The following KLHL31 variants were observed in gnomAD, a reference collection of about 807,000 sequenced individuals.
KLHL31 encodes kelch like family member 31.
KLHL31 carries 32 observed loss-of-function variants against 47.1 expected under a neutral mutation model. The observed-to-expected ratio is 0.68, with a 90% CI of 0.51 to 0.91. The LOEUF is 0.91. Among genes scored for constraint, KLHL31 ranks in the 40% least tolerant of loss-of-function variants. KLHL31 has a pLI of 0.00. For missense variants in KLHL31, 797 were observed against 819.3 expected, an observed-to-expected ratio of 0.97 and a Z score of 0.33; for synonymous variants, 330 against 325.1, an observed-to-expected ratio of 1.01 and a Z score of -0.16.
chr6:53,655,302 C>T lies in KLHL31; in HGVS notation c.-30G>A. On this transcript the variant is annotated 5_prime_UTR_variant, in exon 2 of 3. Coordinates refer to ENST00000370905, the MANE Select transcript of KLHL31 (RefSeq NM_001003760.5). ...GCAAATACACTGTTACAGGCAAGAG[C>T]TTGCTAAAAAGAGAAAAAAAAAAAC... 4.2e-6 allele frequency: 6 copies of T among 1,418,152 alleles called. No homozygotes were observed. Among genetic ancestry groups the T allele is most frequent in the Non-Finnish European group, 4.7e-6 (5 of 1,063,046 alleles). The allele number at this position is 1,418,152 out of a possible 1,614,324, so 87.8% of individuals were successfully genotyped here.
In KLHL31 at chr6:53,654,717, T is replaced by C; in HGVS notation, c.556A>G (p.Asn186Asp). The C allele has an allele frequency of 6.2e-7, 1 of 1,614,178 alleles. No individual in the cohort carries two copies. The change falls in exon 2 of 3, where the codon AAT (asparagine) becomes GAT (aspartate). Residue 186 changes from asparagine (N) to aspartate (D), a missense_variant. Coordinates refer to ENST00000370905, the MANE Select transcript of KLHL31 (RefSeq NM_001003760.5). ...AATTTCTGGGCTGCTGCTTTTGCAT[T>C]TTTTAGGGAGTATGTTTCAGCAATA... ...VNIAETYSLK[N>D]AKAAAQKFIR...
intron 1 of KLHL31, among the ~76,000 whole-genome samples, chr6:53,656,560 G>A (rs1490442435): frequency 6.6e-6 from 1 of 152,072 alleles, no homozygotes; most frequent in South Asian, 2.1e-4. Context: ...TTTATATAGT[G>A]TATGTGTGTG....
intron 1 of KLHL31, among the ~76,000 whole-genome samples, chr6:53,662,060 C>G (rs573817322): frequency 6.6e-6 from 1 of 152,104 alleles, no homozygotes; most frequent in African/African-American, 2.4e-5. Context: ...GCTTGGTAGC[C>G]AGGGTCCAAG....
intron 1 of KLHL31, among the ~76,000 whole-genome samples, chr6:53,663,634 G>T (rs184812158): frequency 2.6e-5 from 4 of 152,288 alleles, no homozygotes; most frequent in African/African-American, 9.6e-5. Flanking sequence ...AAAGTATACA[G>T]ACTCTATGCA....
rs373949241 is a variant in KLHL31 at position 53,654,086 on chromosome 6, T to C, written c.1172+15A>G. ...AATATTGAGCCATTTCAGTTCCTAA[T>C]AAAAGATCAAGTACCTGCAGAAATT... is the stretch of plus-strand genomic sequence containing the variant. On this transcript the variant is annotated intron_variant, in intron 2 of 2. Coordinates refer to ENST00000370905, the MANE Select transcript of KLHL31 (RefSeq NM_001003760.5). 2.0e-4 allele frequency: 316 copies of C among 1,573,756 alleles called. 10 individuals are homozygous for C. In the South Asian group the frequency reaches 3.4e-3, roughly 17 times the overall value.
At position 53,648,955 on chromosome 6, in the gene KLHL31, C is replaced by A. The variant is rs376267828; in HGVS notation, c.*2643G>T. 1.3e-5 allele frequency: 2 copies of A among 152,126 alleles called. No individual in the cohort carries two copies. Among genetic ancestry groups the A allele is most frequent in the African/African-American group, 4.8e-5 (2 of 41,510 alleles). The allele number at this position is 152,126 out of a possible 1,614,324, so 9.4% of individuals were successfully genotyped here. Reference sequence around the variant, plus strand: ...GCTTTTATTTGATCACAGGACTCAGCCGTTACAAAAATAACAAGTCATTTT... The same window carrying A: ...GCTTTTATTTGATCACAGGACTCAGACGTTACAAAAATAACAAGTCATTTT... On this transcript the variant is annotated 3_prime_UTR_variant, in exon 3 of 3. Coordinates refer to ENST00000370905, the MANE Select transcript of KLHL31 (RefSeq NM_001003760.5).
intron 1 of KLHL31, among the ~76,000 whole-genome samples, chr6:53,656,931 CT>C (rs10665063): frequency 3.8e-4 from 37 of 98,436 alleles, no homozygotes; most frequent in African/African-American, 9.2e-4. Flanking sequence ...GTATTTTTAA[CT>C]TTTTTTTTTT....
chr6:53,651,610 T>G lies in KLHL31; in HGVS notation c.1893A>C (p.Pro631=), dbSNP rs753026142. The change falls in exon 3 of 3, where the codon CCA becomes CCC. Residue 631 remains proline, a synonymous_variant. Transcript: ENST00000370905. ...ESRASSVSSV[P]VSI ...CATCTACCTGGGCTCAGATACTGAC[T>G]GGCACAGAAGATACCGAACTGGCCC... 6.2e-7 allele frequency: 1 copy of G among 1,612,454 alleles called. No homozygotes were observed. Among genetic ancestry groups the G allele is most frequent in the Admixed American group, 1.7e-5 (1 of 59,986 alleles).
intron 1 of KLHL31, among the ~76,000 whole-genome samples, chr6:53,663,961 T>C (rs1396823443): frequency 6.6e-6 from 1 of 152,232 alleles, no homozygotes; most frequent in Non-Finnish European, 1.5e-5. Flanking sequence ...TTTGCTTCTA[T>C]AATTTTGCAG....
At chr6:53,662,034 C>T (rs968010792) in intron 1 of KLHL31, among the ~76,000 whole-genome samples, 1 of 152,012 alleles carries the variant, frequency 6.6e-6, no homozygotes, top group Admixed American at 6.6e-5. Context: ...TTGTCAGCTG[C>T]TCAGGGCATC....
Position 53,655,057 on chromosome 6 carries a change from TAGG to T in KLHL31, c.213_215del (p.Phe71del). On this transcript the variant is annotated inframe_deletion, in exon 2 of 3. Transcript: ENST00000370905. ...TTTTGGTACCAATGACTAAGTCACA[TAGG>T]AAGTTCTCCTGCCGCATTTTACTTA... The T allele has an allele frequency of 4.3e-6, 7 of 1,614,056 alleles. No individual in the cohort carries two copies. Among genetic ancestry groups the T allele is most frequent in the Non-Finnish European group, 5.9e-6 (7 of 1,179,980 alleles).
At position 53,661,993 on chromosome 6, in the gene KLHL31, CT is replaced by C. The variant is rs1172557049; in HGVS notation, c.-34+3607del. Among the ~76,000 whole-genome samples the C allele has an allele frequency of 2.0e-5, 3 of 152,124 alleles. No homozygotes were observed. In the East Asian group the frequency reaches 5.8e-4, roughly 29 times the overall value. On this transcript the variant is annotated intron_variant, in intron 1 of 2. Transcript: ENST00000370905. ...TCTTTTTTTTTAAAGCTCTCTCTCT[CT>C]TTTTTCTTTTTAACGGAGTGAAGGT...
intron 1 of KLHL31, among the ~76,000 whole-genome samples, chr6:53,662,671 G>T (rs1006465151): frequency 6.6e-6 from 1 of 152,116 alleles, no homozygotes; most frequent in African/African-American, 2.4e-5. Context: ...TGGGCAGAAG[G>T]GTAACAGAGA....
Position 53,652,159 on chromosome 6 carries a change from C to T in KLHL31, c.1344G>A (p.Pro448=). 1 of 1,606,418 alleles carries T rather than the reference C, an allele frequency of 6.2e-7. No homozygotes were observed. Among genetic ancestry groups the T allele is most frequent in the Non-Finnish European group, 8.5e-7 (1 of 1,179,058 alleles). ...CYVPSTNQWQ[P]KTPLEVARCC... is the part of the protein sequence containing the mutation. ...AGCGCGCCACCTCCAGGGGCGTCTT[C>T]GGCTGCCACTGATTGGTGGAGGGCA... is the stretch of plus-strand genomic sequence containing the variant. The change falls in exon 3 of 3, where the codon CCG becomes CCA. Residue 448 remains proline, a synonymous_variant. Coordinates refer to ENST00000370905, the MANE Select transcript of KLHL31 (RefSeq NM_001003760.5).
intron 1 of KLHL31, among the ~76,000 whole-genome samples, chr6:53,656,135 T>C (rs1007976131): frequency 7.9e-6 from 1 of 126,004 alleles, no homozygotes; most frequent in Non-Finnish European, 1.8e-5. Flanking sequence ...TTGACTCTAA[T>C]TTAGTGAGAC....
Position 53,651,428 on chromosome 6 carries a change from T to G in KLHL31, c.*170A>C. On this transcript the variant is annotated 3_prime_UTR_variant, in exon 3 of 3. Transcript: ENST00000370905. ...AAAAAAAAAAAAAAAAAGAGGTAGATTATGCCATACCAGGAATTTAAAGCC... is the reference window on the plus strand; with the variant it reads ...AAAAAAAAAAAAAAAAAGAGGTAGAGTATGCCATACCAGGAATTTAAAGCC... The G allele has an allele frequency of 1.0e-5, 1 of 98,626 alleles. No homozygotes were observed. Among genetic ancestry groups the G allele is most frequent in the Non-Finnish European group, 2.0e-5 (1 of 50,340 alleles). 6.1% of individuals were successfully genotyped at this position (98,626 alleles called of 1,614,324 possible). A position where few individuals can be genotyped will look rare whatever the true frequency, so the allele number is the denominator to read the frequency against.
rs1764418649 is a variant in KLHL31 at position 53,648,013 on chromosome 6, T to C, written c.*3585A>G. On this transcript the variant is annotated 3_prime_UTR_variant, in exon 3 of 3. Coordinates refer to ENST00000370905, the MANE Select transcript of KLHL31 (RefSeq NM_001003760.5). ...TTGTTCCTTATATAGTACCAGAATG[T>C]TTTAAGCAAAGAAAGAAATTTTTTT... 6.6e-6 allele frequency: 1 copy of C among 152,650 alleles called. No homozygotes were observed. Among genetic ancestry groups the C allele is most frequent in the South Asian group, 2.1e-4 (1 of 4,834 alleles). 9.5% of individuals were successfully genotyped at this position (152,650 alleles called of 1,614,324 possible). A position where few individuals can be genotyped will look rare whatever the true frequency, so the allele number is the denominator to read the frequency against.
intron 2 of KLHL31, among the ~76,000 whole-genome samples, chr6:53,653,041 A>AT (rs1561983450): frequency 7.5e-6 from 1 of 133,584 alleles, no homozygotes; most frequent in Non-Finnish European, 1.7e-5. Context: ...ATAAATATAT[A>AT]TTTTTTTCAG....
At chr6:53,660,464 T>C (rs1213844166) in intron 1 of KLHL31, among the ~76,000 whole-genome samples, 2 of 152,158 alleles carry the variant, frequency 1.3e-5, no homozygotes, top group Non-Finnish European at 2.9e-5. Context: ...AACTGGCTTA[T>C]TTAGCTCTCT....
Sources: gnomAD v4.1 joint callset for allele counts (sites outside exome capture counted in the v4.1 genomes callset) on GRCh38, gnomAD v4.1.1 for gene constraint, MANE v1.5 for transcripts, NCBI Gene and HGNC (gene_info 2026-07-23, HGNC 2026-07-21) for gene names.